The following HCN2 variants were observed in gnomAD, a reference collection of about 807,000 sequenced individuals.
HCN2 encodes the protein potassium/sodium hyperpolarization-activated cyclic nucleotide-gated channel 2.
HCN2 carries 20 observed loss-of-function variants against 52.3 expected under a neutral mutation model. The observed-to-expected ratio is 0.38, with a 90% CI of 0.27 to 0.56. The LOEUF is 0.56. Among genes scored for constraint, HCN2 ranks in the 20% least tolerant of loss-of-function variants. The pLI, the probability that HCN2 is intolerant of heterozygous loss-of-function variation, is 0.71. For synonymous variants in HCN2, 694 were observed against 537.0 expected (o/e 1.29, Z -4.04); for missense variants, 981 against 1,207.7 (o/e 0.81, Z 2.78).
intron 5 of HCN2, 33 bp downstream of exon 5, chr19:610,438 C>T: frequency 3.1e-6 from 5 of 1,600,700 alleles, no homozygotes; most frequent in Non-Finnish European, 4.3e-6. Context: ...GGGAGGCAGC[C>T]TCCGGTACAG....
intron 5 of HCN2, among the ~76,000 whole-genome samples, chr19:611,153 T>G (rs1568367241): frequency 1.3e-5 from 2 of 152,186 alleles, no homozygotes; most frequent in Non-Finnish European, 2.9e-5. Context: ...CCACATAAGG[T>G]CCTATTCACA....
rs1159013221 is a variant in HCN2, at chr19:616,721, G to A, written c.*247G>A. ...CCCCGGCGGCGGCCTCGCGTGCGAGGGGGCTCCCTTCACCTCGGTGCCTCA... is the reference window on the plus strand; with the variant it reads ...CCCCGGCGGCGGCCTCGCGTGCGAGAGGGCTCCCTTCACCTCGGTGCCTCA... On this transcript the variant is annotated 3_prime_UTR_variant, in exon 8 of 8. Transcript: ENST00000251287. 15 of 204,782 alleles carry A rather than the reference G, an allele frequency of 7.3e-5. No homozygotes were observed. The East Asian group carries it at 1.6e-3, about 22-fold the overall frequency. 12.7% of individuals were successfully genotyped at this position (204,782 alleles called of 1,614,324 possible). A position where few individuals can be genotyped will look rare whatever the true frequency, so the allele number is the denominator to read the frequency against.
chr19:595,478 G>A (rs867820689), intron 1 of HCN2, among the ~76,000 whole-genome samples: 6 of 151,366 alleles, frequency 4.0e-5, no homozygotes, highest in African/African-American at 9.7e-5. Flanking sequence ...TCCCGAGGCC[G>A]CCCACCGGCC....
chr19:616,588 G>A lies in HCN2; in HGVS notation c.*114G>A, dbSNP rs1180593382. 1.6e-6 allele frequency: 1 copy of A among 609,210 alleles called. No individual in the cohort carries two copies. Among genetic ancestry groups the A allele is most frequent in the Non-Finnish European group, 2.2e-6 (1 of 453,932 alleles). The allele number at this position is 609,210 out of a possible 1,614,324, so 37.7% of individuals were successfully genotyped here. ...CAGTCCGCCCAGAAGCCATAGACGA[G>A]ACGTAGGTAGCCGTAGTTGGACGGA... On this transcript the variant is annotated 3_prime_UTR_variant, in exon 8 of 8. Coordinates refer to ENST00000251287, the MANE Select transcript of HCN2 (RefSeq NM_001194.4).
chr19:593,102 G>A (rs1384580770), intron 1 of HCN2, among the ~76,000 whole-genome samples: 4 of 152,264 alleles, frequency 2.6e-5, no homozygotes, highest in African/African-American at 9.6e-5. Flanking sequence ...CCCCAGGCAC[G>A]CCCTCACCCC....
chr19:608,490 G>T (rs925805764), intron 4 of HCN2, among the ~76,000 whole-genome samples: 3 of 152,046 alleles, frequency 2.0e-5, no homozygotes, highest in African/African-American at 7.2e-5. Flanking sequence ...GACCCTGGGG[G>T]TCTGTGGCTG....
In HCN2 at chr19:613,469, C is replaced by A. The variant is rs201808106; in HGVS notation, c.1806C>A (p.Ser602=). The change falls in exon 6 of 8, where the codon TCC becomes TCA. Residue 602 remains serine, a synonymous_variant. Transcript: ENST00000251287. ...AGGGCAACAAGGAGATGAAGCTGTC[C>A]GATGGCTCCTACTTCGGGGGTGAGC... ...LTKGNKEMKL[S]DGSYFGEICL... The A allele has an allele frequency of 6.3e-7, 1 of 1,597,500 alleles. No individual in the cohort carries two copies. Among genetic ancestry groups the A allele is most frequent in the Admixed American group, 1.7e-5 (1 of 58,964 alleles).
chr19:590,688 C>T lies in HCN2; in HGVS notation c.632+111C>T. The T allele has an allele frequency of 1.3e-6, 1 of 778,922 alleles. No individual in the cohort carries two copies. Among genetic ancestry groups the T allele is most frequent in the East Asian group, 3.9e-5 (1 of 25,554 alleles). 48.3% of individuals were successfully genotyped at this position (778,922 alleles called of 1,614,324 possible). On this transcript the variant is annotated intron_variant, in intron 1 of 7. Transcript: ENST00000251287. This position sits in a 1 kb window ranked among gnomAD's most constrained non-coding sequence, Gnocchi z 7.2. ...GCGGGGCGGCGCGCCGGGCCGGTGA[C>T]CTCGGGGCTCCTCGGTGACCTCGGG...
chr19:601,369 C>T (rs1448657738), intron 1 of HCN2, among the ~76,000 whole-genome samples: 2 of 152,182 alleles, frequency 1.3e-5, no homozygotes, highest in South Asian at 4.1e-4. Flanking sequence ...GGGGCATCTG[C>T]GCCGTGGCCT....
In HCN2 at chr19:616,232, G is replaced by C; in HGVS notation, c.2428G>C (p.Ala810Pro). ...AAPLAGPALPARRLSRASRPL... is the reference protein window; with the variant it reads ...AAPLAGPALPPRRLSRASRPL... ...CCCCCTTGCTGGGCCCGCCCTGCCC[G>C]CGCGCCGCCTGAGCCGCGCGTCGCG... Residue 810 changes from alanine (A) to proline (P), a missense_variant, in exon 8 of 8, where the codon GCG (alanine) becomes CCG (proline). Coordinates refer to ENST00000251287, the MANE Select transcript of HCN2 (RefSeq NM_001194.4). 1.0e-6 allele frequency: 1 copy of C among 990,574 alleles called. No individual in the cohort carries two copies. Among genetic ancestry groups the C allele is most frequent in the Non-Finnish European group, 1.2e-6 (1 of 837,462 alleles). The allele number at this position is 990,574 out of a possible 1,614,324, so 61.4% of individuals were successfully genotyped here. A position where few individuals can be genotyped will look rare whatever the true frequency, so the allele number is the denominator to read the frequency against.
At chr19:605,038 G>C in intron 2 of HCN2, 23 bp from the exon 3 acceptor site, 1 of 1,603,188 alleles carries the variant, frequency 6.2e-7, no homozygotes. Flanking sequence ...CGGGTAGGGT[G>C]GGCTCACGGC....
intron 5 of HCN2, among the ~76,000 whole-genome samples, 172 bp from the exon 6 acceptor site, chr19:613,076 G>C (rs1282117891): frequency 1.3e-5 from 2 of 152,196 alleles, no homozygotes; most frequent in South Asian, 4.1e-4. Flanking sequence ...GGCACTGAGC[G>C]TTTTTTCTTT....
At chr19:614,598 G>C (rs537596850) in intron 7 of HCN2, among the ~76,000 whole-genome samples, 1 of 152,316 alleles carries the variant, frequency 6.6e-6, no homozygotes, top group South Asian at 2.1e-4. Context: ...AGGTGGAAAA[G>C]AGGCCTAGAG....
intron 1 of HCN2, among the ~76,000 whole-genome samples, chr19:602,557 G>C (rs1476201283): frequency 6.6e-6 from 1 of 152,190 alleles, no homozygotes; most frequent in African/African-American, 2.4e-5. Flanking sequence ...GGCGTGAGCT[G>C]AGCACGGTTC....
chr19:598,406 G>A (rs552146928), intron 1 of HCN2, among the ~76,000 whole-genome samples: 8 of 150,770 alleles, frequency 5.3e-5, no homozygotes, highest in Non-Finnish European at 8.9e-5. Flanking sequence ...TCATGGGCTC[G>A]AGCAATCCTC....
Position 603,918 on chromosome 19 carries a change from G to C in HCN2, c.1007G>C (p.Arg336Pro). 1.2e-6 allele frequency: 2 copies of C among 1,611,322 alleles called. No homozygotes were observed. The highest frequency in any genetic ancestry group is 1.7e-6 in the Non-Finnish European group (2 of 1,179,706). ...VRFTKILSLLRLLRLSRLIRY... is the reference protein window; with the variant it reads ...VRFTKILSLLPLLRLSRLIRY... ...TTCACCAAGATCCTCAGCCTCCTGC[G>C]GCTGCTGCGCCTCTCACGCCTGATC... Residue 336 changes from arginine to proline, a missense_variant, in exon 2 of 8, where the codon CGG becomes CCG. Transcript: ENST00000251287.
In HCN2 at chr19:613,467, T is replaced by C; in HGVS notation, c.1804T>C (p.Ser602Pro). Reference sequence around the variant, plus strand: ...TAAGGGCAACAAGGAGATGAAGCTGTCCGATGGCTCCTACTTCGGGGGTGA... The same window carrying C: ...TAAGGGCAACAAGGAGATGAAGCTGCCCGATGGCTCCTACTTCGGGGGTGA... Reference protein sequence around the residue: ...LTKGNKEMKLSDGSYFGEICL... With the variant: ...LTKGNKEMKLPDGSYFGEICL... Residue 602 changes from serine to proline, a missense_variant, in exon 6 of 8, where the codon TCC (serine) becomes CCC (proline). This residue lies in a region of HCN2 where 85 missense variants were observed against 106.1 expected (regional missense o/e 0.80). Coordinates refer to ENST00000251287, the MANE Select transcript of HCN2 (RefSeq NM_001194.4). 1 of 1,424,816 alleles carries C rather than the reference T, an allele frequency of 7.0e-7. No homozygotes were observed. Among genetic ancestry groups the C allele is most frequent in the South Asian group, 1.1e-5 (1 of 88,526 alleles). The allele number at this position is 1,424,816 out of a possible 1,614,324, so 88.3% of individuals were successfully genotyped here.
intron 7 of HCN2, among the ~76,000 whole-genome samples, chr19:614,667 G>A (rs962887922): frequency 3.3e-5 from 5 of 152,122 alleles, no homozygotes; most frequent in African/African-American, 1.2e-4. Flanking sequence ...CAGACACACA[G>A]GGCCCAGTGG....
chr19:598,423 C>G (rs1374115412), intron 1 of HCN2, among the ~76,000 whole-genome samples: 1 of 151,992 alleles, frequency 6.6e-6, no homozygotes, highest in African/African-American at 2.4e-5. Flanking sequence ...CCTCCTACCT[C>G]AGCCTCCCAA....
Sources: gnomAD v4.1 joint callset for allele counts (sites outside exome capture counted in the v4.1 genomes callset) on GRCh38, gnomAD v4.1.1 for gene constraint, gnomAD v4.1.1 regional missense constraint, Gnocchi (gnomAD v3.1) non-coding constraint, MANE v1.5 for transcripts, NCBI Gene and HGNC (gene_info 2026-07-23, HGNC 2026-07-21) for gene names.